Variants in SPMIP11 observed in about 807,000 individuals in gnomAD.
SPMIP11 encodes the protein sperm microtubule inner protein 11, also known as long intergenic non-protein coding RNA 935.
chr12:48,765,868 G>C, the SPMIP11 span: 1 of 547,758 alleles, frequency 1.8e-6, no homozygotes, highest in Admixed American at 3.1e-5. Context: ...GAGAGCTGCT[G>C]TGTGGGAGAT....
chr12:48,762,047 CTTTTTTT>C, the SPMIP11 span, among the ~76,000 whole-genome samples: 2 of 78,178 alleles, frequency 2.6e-5, no homozygotes, highest in Non-Finnish European at 4.4e-5. Flanking sequence ...TTATAACATT[CTTTTTTT>C]TTTTTTTTTT....
the SPMIP11 span, among the ~76,000 whole-genome samples, chr12:48,762,471 G>A: frequency 0.048 from 6,688 of 140,534 alleles, 207 homozygotes; most frequent in South Asian, 0.14. Flanking sequence ...AGGTTCAAGC[G>A]ATTCTCCTGT....
At chr12:48,768,162 C>T in the SPMIP11 span, 1 of 257,850 alleles carries the variant, frequency 3.9e-6, no homozygotes, top group East Asian at 1.1e-4. Context: ...TGTCTTTGTA[C>T]AAAATATTGT....
At chr12:48,766,253 A>C in the SPMIP11 span, 2 of 152,678 alleles carry the variant, frequency 1.3e-5, no homozygotes, top group East Asian at 3.8e-4. Flanking sequence ...ACTGAAATAC[A>C]TGGTTCACCA....
the SPMIP11 span, among the ~76,000 whole-genome samples, chr12:48,757,523 G>A: frequency 2.0e-3 from 306 of 151,906 alleles, 1 homozygote; most frequent in African/African-American, 7.0e-3. Flanking sequence ...GTGAGCGCCT[G>A]TAGTCCCAGC....
the SPMIP11 span, among the ~76,000 whole-genome samples, chr12:48,754,898 C>T: frequency 6.6e-5 from 10 of 152,080 alleles, no homozygotes; most frequent in Non-Finnish European, 1.0e-4. Context: ...AGGCTCGTGC[C>T]ACCATACCTC....
the SPMIP11 span, chr12:48,727,701 G>A: frequency 1.2e-5 from 7 of 593,864 alleles, no homozygotes; most frequent in Admixed American, 5.5e-5. Flanking sequence ...TAAAATTGTG[G>A]AATAGGGACA....
the SPMIP11 span, chr12:48,766,626 A>C: frequency 6.6e-6 from 1 of 152,606 alleles, no homozygotes; most frequent in African/African-American, 2.4e-5. Flanking sequence ...CTAATGAAGT[A>C]CCTGATGGCC....
At chr12:48,758,643 A>G in the SPMIP11 span, among the ~76,000 whole-genome samples, 1 of 152,202 alleles carries the variant, frequency 6.6e-6, no homozygotes, top group Admixed American at 6.5e-5. Context: ...GGTAGCCACT[A>G]TAATACACCA....
chr12:48,769,589 C>CT, the SPMIP11 span, among the ~76,000 whole-genome samples: 1,734 of 138,794 alleles, frequency 0.012, 24 homozygotes, highest in African/African-American at 0.039. Flanking sequence ...CCTTTCTTTT[C>CT]TTTTTTTTTT....
At chr12:48,765,897 T>C in the SPMIP11 span, 1 of 495,118 alleles carries the variant, frequency 2.0e-6, no homozygotes, top group South Asian at 2.5e-5. Flanking sequence ...AAGCCAGACC[T>C]TGGAGTGAGA....
the SPMIP11 span, among the ~76,000 whole-genome samples, chr12:48,753,460 T>C: frequency 6.6e-6 from 1 of 152,166 alleles, no homozygotes; most frequent in Non-Finnish European, 1.5e-5. Flanking sequence ...CTTGAGTTTC[T>C]GGTGAAAGCT....
chr12:48,738,653 G>C, the SPMIP11 span, among the ~76,000 whole-genome samples: 3 of 151,588 alleles, frequency 2.0e-5, no homozygotes, highest in Non-Finnish European at 2.9e-5. Context: ...TCCTGCCTCA[G>C]CCTCCCGAGT....
At chr12:48,753,694 T>C in the SPMIP11 span, among the ~76,000 whole-genome samples, 1,082 of 118,684 alleles carry the variant, frequency 9.1e-3, 8 homozygotes, top group African/African-American at 0.03. Flanking sequence ...TTTTTTTTCT[T>C]TTTTTTTTTT....
chr12:48,727,480 G>C, the SPMIP11 span: 7 of 702,956 alleles, frequency 1.0e-5, no homozygotes, highest in East Asian at 1.3e-4. Context: ...GAGGATCTGA[G>C]ATGGCCTTCT....
chr12:48,759,310 C>T, the SPMIP11 span: 12 of 702,684 alleles, frequency 1.7e-5, no homozygotes, highest in Admixed American at 4.0e-5. Context: ...CGAAGCTGTC[C>T]GGAAGGTGTT....
the SPMIP11 span, among the ~76,000 whole-genome samples, chr12:48,743,198 G>GATCAAGATGAGGT: frequency 6.7e-6 from 1 of 150,218 alleles, no homozygotes; most frequent in Admixed American, 6.7e-5. Context: ...TTCAAGATCA[G>GATCAAGATGAGGT]CATGGCCAAC....
the SPMIP11 span, chr12:48,727,583 G>T: frequency 1.4e-6 from 1 of 702,082 alleles, no homozygotes; most frequent in Non-Finnish European, 2.6e-6. Context: ...AGGGTAGAGG[G>T]TTAGAAGGGC....
At chr12:48,770,645 G>C in the SPMIP11 span, 1 of 972,688 alleles carries the variant, frequency 1.0e-6, no homozygotes, top group East Asian at 2.4e-5. Flanking sequence ...TAGGAGGTCA[G>C]AGGGAAGAAA....
Sources: gnomAD v4.1 joint callset for allele counts (sites outside exome capture counted in the v4.1 genomes callset) on GRCh38, gnomAD v4.1.1 for gene constraint, MANE v1.5 for transcripts, NCBI Gene and HGNC (gene_info 2026-07-23, HGNC 2026-07-21) for gene names.